RALYL: variants seen among roughly 807,000 people sequenced by gnomAD.
The protein encoded by RALYL is RNA-binding Raly-like protein.
RALYL carries 29 observed loss-of-function variants against 35.1 expected under a neutral mutation model. That is an observed-to-expected ratio of 0.83 (90% CI 0.61 to 1.13). RALYL has a LOEUF of 1.13. Among genes scored for constraint, RALYL ranks in the 50% most tolerant of loss-of-function variants. The pLI is 0.00. For synonymous variants in RALYL, 120 were observed against 127.6 expected, an observed-to-expected ratio of 0.94 and a Z score of 0.40; for missense variants, 359 against 360.4, an observed-to-expected ratio of 1.00 and a Z score of 0.03.
At chr8:84,382,163 A>G (rs533384175) in intron 1 of RALYL, among the ~76,000 whole-genome samples, 59 of 151,308 alleles carry the variant, frequency 3.9e-4, no homozygotes, top group African/African-American at 1.4e-3. Flanking sequence ...AACACATGCT[A>G]GTTAAAATAC....
chr8:84,277,343 A>T, intron 1 of RALYL, among the ~76,000 whole-genome samples: 1 of 152,114 alleles, frequency 6.6e-6, no homozygotes, highest in East Asian at 1.9e-4. Context: ...AGTATGGGGG[A>T]AACTGCCCCC....
At chr8:84,277,172 T>C (rs868549073) in intron 1 of RALYL, among the ~76,000 whole-genome samples, 15 of 152,198 alleles carry the variant, frequency 9.9e-5, no homozygotes, top group Admixed American at 3.9e-4. Context: ...GAAAGAGGTT[T>C]AATGGTCTTA....
intron 1 of RALYL, among the ~76,000 whole-genome samples, chr8:84,331,377 C>G (rs1846781233): frequency 6.6e-6 from 1 of 152,130 alleles, no homozygotes; most frequent in South Asian, 2.1e-4. Flanking sequence ...ATGTGTAACA[C>G]TGGAGCCACA....
In RALYL at chr8:84,677,902, T is replaced by C. The variant is rs376491181; in HGVS notation, c.257-96677T>C. On this transcript the variant is annotated intron_variant, in intron 2 of 8. Transcript: ENST00000521268. The stretch of plus-strand genomic sequence containing the variant: ...TAGCATTTTTCAAGAAATAAACTTA[T>C]GTACATCACAAGTGGAAAATAAAAC... Among the ~76,000 whole-genome samples, 5 of 152,186 alleles carry C rather than the reference T, an allele frequency of 3.3e-5. 1 individual carries two copies. The highest frequency in any genetic ancestry group is 4.1e-4 in the South Asian group (2 of 4,832).
At chr8:84,730,955 A>G (rs1183011332) in intron 2 of RALYL, among the ~76,000 whole-genome samples, 1 of 152,098 alleles carries the variant, frequency 6.6e-6, no homozygotes, top group East Asian at 1.9e-4. Flanking sequence ...GAGGAGGAGG[A>G]GAAAGAAGGA....
At chr8:84,198,220 A>G (rs1480600625) in intron 1 of RALYL, among the ~76,000 whole-genome samples, 1 of 152,200 alleles carries the variant, frequency 6.6e-6, no homozygotes, top group Non-Finnish European at 1.5e-5. Flanking sequence ...AACTGCTAAG[A>G]GCATATGTGT....
At chr8:84,661,443 G>A (rs1003250710) in intron 2 of RALYL, among the ~76,000 whole-genome samples, 3 of 151,778 alleles carry the variant, frequency 2.0e-5, no homozygotes, top group Non-Finnish European at 4.4e-5. Context: ...CTATCTTAAT[G>A]ACTAGGCTTT....
chr8:84,787,283 G>A (rs1035249286), intron 3 of RALYL, among the ~76,000 whole-genome samples: 18 of 151,964 alleles, frequency 1.2e-4, no homozygotes, highest in Admixed American at 1.2e-3. Context: ...TCCTGTGTTA[G>A]TTTGATGAGA....
chr8:84,722,735 A>T (rs1473912018), intron 2 of RALYL, among the ~76,000 whole-genome samples: 1 of 147,908 alleles, frequency 6.8e-6, no homozygotes, highest in Non-Finnish European at 1.5e-5. Flanking sequence ...ATAATATTAT[A>T]CATATCACTC....
intron 4 of RALYL, among the ~76,000 whole-genome samples, chr8:84,812,870 C>A: frequency 6.6e-6 from 1 of 152,218 alleles, no homozygotes; most frequent in East Asian, 1.9e-4. Flanking sequence ...AGGTTTGGTT[C>A]TTCCCCAGCC....
chr8:84,537,162 A>T (rs75021950), intron 2 of RALYL, among the ~76,000 whole-genome samples: 3 of 54,656 alleles, frequency 5.5e-5, no homozygotes, highest in East Asian at 4.8e-4. Flanking sequence ...TATATATTAA[A>T]AAAAAAAAAA....
intron 4 of RALYL, among the ~76,000 whole-genome samples, chr8:84,825,148 CA>C (rs1180908433): frequency 4.6e-5 from 7 of 151,958 alleles, no homozygotes; most frequent in Non-Finnish European, 5.9e-5. Context: ...CTTAAATCAT[CA>C]AGCAAAAAAA....
chr8:84,546,127 G>C (rs77507087), intron 2 of RALYL, among the ~76,000 whole-genome samples: 3,888 of 152,034 alleles, frequency 0.026, 87 homozygotes, highest in South Asian at 0.076. Context: ...AGAGAGAAGA[G>C]AAAAAGATAT....
rs553007170 is a variant in RALYL, at chr8:84,678,556, T to A, written c.257-96023T>A. ...TGCTAGGATTACAGGCGTGAGCCAC[T>A]GTGCCCAGCCAAGTGTAGCGTTTTT... On this transcript the variant is annotated intron_variant, in intron 2 of 8. Coordinates refer to ENST00000521268, the MANE Select transcript of RALYL (RefSeq NM_173848.7). Among the ~76,000 whole-genome samples, 5 of 152,260 alleles carry A rather than the reference T, an allele frequency of 3.3e-5. No individual in the cohort carries two copies. In the South Asian group the frequency reaches 1.0e-3, roughly 32 times the overall value.
At chr8:84,878,062 A>G (rs1246707235) in intron 7 of RALYL, among the ~76,000 whole-genome samples, 1 of 152,160 alleles carries the variant, frequency 6.6e-6, no homozygotes, top group Non-Finnish European at 1.5e-5. Context: ...AACTCCCAAA[A>G]AGCTCAGAAT....
chr8:84,806,786 C>T (rs185393518), intron 4 of RALYL, among the ~76,000 whole-genome samples: 158 of 152,032 alleles, frequency 1.0e-3, no homozygotes, highest in Middle Eastern at 3.4e-3. Context: ...CTAAGGTGGG[C>T]GACTCACTTG....
intron 2 of RALYL, among the ~76,000 whole-genome samples, chr8:84,680,124 G>C (rs1484070937): frequency 2.0e-5 from 3 of 152,168 alleles, no homozygotes; most frequent in South Asian, 2.1e-4. Context: ...CCTTGCGATA[G>C]TTTGCTGAGA....
intron 2 of RALYL, among the ~76,000 whole-genome samples, chr8:84,565,534 C>G (rs912616951): frequency 2.6e-5 from 4 of 151,414 alleles, no homozygotes; most frequent in African/African-American, 9.7e-5. Context: ...TAAGGGATTA[C>G]TGAGGGTTGA....
chr8:84,346,919 G>A (rs183638674), intron 1 of RALYL, among the ~76,000 whole-genome samples: 8 of 152,112 alleles, frequency 5.3e-5, no homozygotes, highest in African/African-American at 1.7e-4. Flanking sequence ...AGGACATTTG[G>A]CCAGGCACGG....
Sources: gnomAD v4.1 joint callset for allele counts (sites outside exome capture counted in the v4.1 genomes callset) on GRCh38, gnomAD v4.1.1 for gene constraint, MANE v1.5 for transcripts, NCBI Gene and HGNC (gene_info 2026-07-23, HGNC 2026-07-21) for gene names.